ROBO2: variants seen among roughly 807,000 people sequenced by gnomAD.
The protein encoded by ROBO2 is roundabout guidance receptor 2.
A neutral mutation model predicts 160.8 loss-of-function variants in ROBO2; 53 were observed. That is an observed-to-expected ratio of 0.33 (90% CI 0.26 to 0.41). The LOEUF (loss-of-function observed/expected upper bound fraction) is 0.41. Among genes scored for constraint, ROBO2 ranks in the 10% least tolerant of loss-of-function variants. ROBO2 has a pLI of 1.00. For synonymous variants in ROBO2, 664 were observed against 611.7 expected, an observed-to-expected ratio of 1.09 and a Z score of -1.26; for missense variants, 1,577 against 1,722.4, an observed-to-expected ratio of 0.92 and a Z score of 1.49.
intron 2 of ROBO2, among the ~76,000 whole-genome samples, chr3:76,541,272 A>G (rs1008281324): frequency 2.6e-5 from 4 of 152,196 alleles, no homozygotes; most frequent in African/African-American, 9.6e-5. Flanking sequence ...AGGGGTTAAC[A>G]TCTAATACTC....
intron 2 of ROBO2, among the ~76,000 whole-genome samples, chr3:77,437,738 G>A (rs188354022): frequency 2.0e-5 from 3 of 152,022 alleles, no homozygotes; most frequent in Admixed American, 1.3e-4. Flanking sequence ...TTTTTGAATT[G>A]ATGATTACCT....
chr3:77,163,735 C>T (rs1317992500), intron 2 of ROBO2, among the ~76,000 whole-genome samples: 1 of 152,124 alleles, frequency 6.6e-6, no homozygotes, highest in Non-Finnish European at 1.5e-5. Flanking sequence ...TGGTCTGGGA[C>T]ACATACTAAG....
intron 2 of ROBO2, among the ~76,000 whole-genome samples, chr3:77,370,056 A>G (rs1401166596): frequency 6.6e-6 from 1 of 152,242 alleles, no homozygotes; most frequent in Non-Finnish European, 1.5e-5. Context: ...GCTGTTTTCC[A>G]GAAAGCTGTA....
intron 2 of ROBO2, among the ~76,000 whole-genome samples, chr3:77,392,164 A>C (rs2074799497): frequency 6.6e-6 from 1 of 152,228 alleles, no homozygotes; most frequent in African/African-American, 2.4e-5. Flanking sequence ...TACAATAATG[A>C]AATTACTGTG....
At chr3:76,585,536 T>C (rs2085979142) in intron 2 of ROBO2, among the ~76,000 whole-genome samples, 1 of 152,190 alleles carries the variant, frequency 6.6e-6, no homozygotes, top group Non-Finnish European at 1.5e-5. Flanking sequence ...TTTGTATTTC[T>C]AGAAAGATCC....
At chr3:76,689,678 G>T (rs547245255) in intron 2 of ROBO2, among the ~76,000 whole-genome samples, 1 of 152,256 alleles carries the variant, frequency 6.6e-6, no homozygotes, top group South Asian at 2.1e-4. Context: ...CCTTGAAGAA[G>T]AGCATGGGAG....
intron 2 of ROBO2, among the ~76,000 whole-genome samples, chr3:77,362,012 T>G (rs2153468737): frequency 6.6e-6 from 1 of 152,264 alleles, no homozygotes; most frequent in African/African-American, 2.4e-5. Flanking sequence ...AGAAGAACAT[T>G]AACCAAATAA....
chr3:77,380,403 T>C (rs1360395183), intron 2 of ROBO2, among the ~76,000 whole-genome samples: 2 of 152,142 alleles, frequency 1.3e-5, no homozygotes, highest in African/African-American at 4.8e-5. Flanking sequence ...AGAGGAGAAC[T>C]GAGAGATTGA....
At chr3:76,853,673 C>T (rs1007138726) in intron 2 of ROBO2, among the ~76,000 whole-genome samples, 1 of 151,994 alleles carries the variant, frequency 6.6e-6, no homozygotes, top group African/African-American at 2.4e-5. Flanking sequence ...TGATAAAACC[C>T]CCAAATAATC....
chr3:75,983,350 C>A (rs2065330129), intron 2 of ROBO2, among the ~76,000 whole-genome samples: 1 of 151,414 alleles, frequency 6.6e-6, no homozygotes, highest in African/African-American at 2.4e-5. Flanking sequence ...AGCACATTTT[C>A]TGAACGGGAA....
rs1377854643 is a variant in ROBO2, at chr3:76,119,916, C to CCCTCCCTCCCTCCCTT, written c.109+182317_109+182318insCCCTCCCTCCCTTCCT. ...CCTTCCTTCCCTTCCTTCCCTCCCT[C>CCCTCCCTCCCTCCCTT]CCTTCCTTCCTTCCTTCCTTCCTTC... On this transcript the variant is annotated intron_variant, in intron 2 of 26. Transcript: ENST00000487694. Among the ~76,000 whole-genome samples, 90 of 88,162 alleles carry CCCTCCCTCCCTCCCTT rather than the reference C, an allele frequency of 1.0e-3. 1 individual carries two copies. Among genetic ancestry groups the CCCTCCCTCCCTCCCTT allele is most frequent in the East Asian group, 7.5e-3 (19 of 2,536 alleles). The allele number at this position is 88,162 out of a possible 152,430, so 57.8% of individuals were successfully genotyped here.
At chr3:76,931,685 C>CT (rs943750100) in intron 2 of ROBO2, among the ~76,000 whole-genome samples, 4 of 151,642 alleles carry the variant, frequency 2.6e-5, no homozygotes, top group South Asian at 4.2e-4. Flanking sequence ...GTTATACAGA[C>CT]TTTTTTTTAA....
At chr3:77,304,171 A>G (rs751647924) in intron 2 of ROBO2, among the ~76,000 whole-genome samples, 6 of 152,194 alleles carry the variant, frequency 3.9e-5, no homozygotes, top group African/African-American at 7.2e-5. Flanking sequence ...TGCTTACCAG[A>G]TGGAGCTTGT....
At chr3:76,810,196 A>G (rs2065051583) in intron 2 of ROBO2, among the ~76,000 whole-genome samples, 1 of 152,098 alleles carries the variant, frequency 6.6e-6, no homozygotes, top group African/African-American at 2.4e-5. Context: ...ACCATATTGG[A>G]GGGCAGAGAA....
chr3:76,597,358 T>C (rs1276524880), intron 2 of ROBO2, among the ~76,000 whole-genome samples: 1 of 151,966 alleles, frequency 6.6e-6, no homozygotes, highest in Non-Finnish European at 1.5e-5. Flanking sequence ...CAAACACATA[T>C]CTGACAAAGG....
chr3:76,267,509 A>T (rs538389895), intron 2 of ROBO2, among the ~76,000 whole-genome samples: 1 of 152,172 alleles, frequency 6.6e-6, no homozygotes, highest in Non-Finnish European at 1.5e-5. Context: ...TTAAATAGAC[A>T]CTAAGCCTTT....
At chr3:76,857,830 A>G (rs1043608223) in intron 2 of ROBO2, among the ~76,000 whole-genome samples, 1 of 152,146 alleles carries the variant, frequency 6.6e-6, no homozygotes, top group Non-Finnish European at 1.5e-5. Flanking sequence ...CCTTACTCAC[A>G]AGGTCATAAT....
intron 2 of ROBO2, among the ~76,000 whole-genome samples, chr3:76,992,140 C>T (rs367758520): frequency 5.9e-5 from 9 of 151,412 alleles, no homozygotes; most frequent in African/African-American, 1.9e-4. Flanking sequence ...AAAAAGAGTC[C>T]TTTCTAACAG....
chr3:77,482,279 T>C (rs1288831478), intron 4 of ROBO2, among the ~76,000 whole-genome samples: 2 of 152,184 alleles, frequency 1.3e-5, no homozygotes, highest in Non-Finnish European at 2.9e-5. Context: ...TTTCTGGTCA[T>C]TTCTTCAGGA....
Sources: allele counts gnomAD v4.1 joint callset (sites outside exome capture counted in the v4.1 genomes callset), GRCh38; gene constraint gnomAD v4.1.1; transcripts MANE v1.5; gene names NCBI Gene and HGNC (gene_info 2026-07-23, HGNC 2026-07-21).